The following CMTM7 variants were observed in gnomAD, a reference collection of about 807,000 sequenced individuals.
The protein encoded by CMTM7 is CKLF-like MARVEL transmembrane domain-containing protein 7.
In CMTM7, 7 loss-of-function variants were observed where a neutral mutation model predicts 19.3. The observed-to-expected ratio is 0.36, with a 90% CI of 0.21 to 0.68. The LOEUF (loss-of-function observed/expected upper bound fraction) is 0.68, where lower values mean the gene tolerates loss of function less well. Ranked by LOEUF, CMTM7 falls within the 30% of genes least tolerant of loss-of-function variation. The pLI is 0.60. For missense variants in CMTM7, 193 were observed against 232.6 expected (o/e 0.83, Z 1.11); for synonymous variants, 87 against 99.3 (o/e 0.88, Z 0.74).
At chr3:32,438,207 G>T (rs1575122714) in intron 1 of CMTM7, among the ~76,000 whole-genome samples, 2 of 152,214 alleles carry the variant, frequency 1.3e-5, no homozygotes, top group East Asian at 3.8e-4. Context: ...GCTGGCGGGA[G>T]GAGGGCAGGG....
intron 1 of CMTM7, among the ~76,000 whole-genome samples, chr3:32,425,815 A>G (rs17798444): frequency 0.18 from 27,088 of 152,198 alleles, 2,756 homozygotes; most frequent in African/African-American, 0.27. Context: ...ATTTTTGAGC[A>G]GGAAAGGACA....
At chr3:32,419,850 G>T (rs148103641) in intron 1 of CMTM7, among the ~76,000 whole-genome samples, 3 of 152,096 alleles carry the variant, frequency 2.0e-5, no homozygotes, top group Non-Finnish European at 2.9e-5. Flanking sequence ...CCCACTTTGC[G>T]TCCTTCCTTT....
At chr3:32,403,119 A>G (rs1040890957) in intron 1 of CMTM7, among the ~76,000 whole-genome samples, 4 of 152,236 alleles carry the variant, frequency 2.6e-5, no homozygotes, top group African/African-American at 7.2e-5. Context: ...TTAAGTTATG[A>G]GAGTGGTACT....
At chr3:32,413,053 C>T (rs556177826) in intron 1 of CMTM7, among the ~76,000 whole-genome samples, 39 of 152,326 alleles carry the variant, frequency 2.6e-4, no homozygotes, top group African/African-American at 9.1e-4. Context: ...CAAATCTGGC[C>T]TGCCACCTGT....
intron 1 of CMTM7, among the ~76,000 whole-genome samples, chr3:32,405,678 C>G (rs1559402001): frequency 6.6e-6 from 1 of 152,146 alleles, no homozygotes; most frequent in East Asian, 1.9e-4. Flanking sequence ...TTGCTTGAGC[C>G]CAGGAGTTCA....
intron 1 of CMTM7, among the ~76,000 whole-genome samples, chr3:32,400,602 A>G (rs1695988558): frequency 6.6e-6 from 1 of 151,554 alleles, no homozygotes; most frequent in South Asian, 2.1e-4. Context: ...CGTGTTAGCC[A>G]GGATGGTCTT....
rs150629624 is a variant in CMTM7, at chr3:32,408,221, G to T, written c.159+16156G>T. ...ATAGCGATTTCAGACTTCTGGCCTT[G>T]AGAACTGTGAGAGAATAGATTTCTG... On this transcript the variant is annotated intron_variant, in intron 1 of 4. Coordinates refer to ENST00000334983, the MANE Select transcript of CMTM7 (RefSeq NM_138410.4). Among the ~76,000 whole-genome samples the T allele has an allele frequency of 3.5e-3, 537 of 152,348 alleles. 5 individuals are homozygous for T. The highest frequency in any genetic ancestry group is 0.012 in the African/African-American group (484 of 41,584).
intron 1 of CMTM7, among the ~76,000 whole-genome samples, chr3:32,434,310 T>C (rs1310086851): frequency 6.6e-6 from 1 of 152,196 alleles, no homozygotes; most frequent in Non-Finnish European, 1.5e-5. Flanking sequence ...ATTTTACTTA[T>C]TTATGAATTA....
intron 1 of CMTM7, among the ~76,000 whole-genome samples, chr3:32,430,056 A>G (rs1696492355): frequency 6.6e-6 from 1 of 152,166 alleles, no homozygotes; most frequent in African/African-American, 2.4e-5. Context: ...CTGCCATGTT[A>G]TTGTTTAACA....
chr3:32,452,199 G>A (rs904916194), intron 3 of CMTM7, 193 bp from the exon 4 acceptor site: 2 of 1,505,476 alleles, frequency 1.3e-6, no homozygotes, highest in African/African-American at 2.8e-5. Flanking sequence ...GAGGACTGGG[G>A]CCAGTGGCTG....
At chr3:32,428,651 A>G (rs1356780283) in intron 1 of CMTM7, among the ~76,000 whole-genome samples, 1 of 152,124 alleles carries the variant, frequency 6.6e-6, no homozygotes. Flanking sequence ...CTGCTTACAT[A>G]ACATCTTTGT....
chr3:32,396,257 G>A (rs1241364245), intron 1 of CMTM7, among the ~76,000 whole-genome samples: 1 of 152,122 alleles, frequency 6.6e-6, no homozygotes. Context: ...TGTAATCCCA[G>A]CACTTTGGGA....
In CMTM7 at chr3:32,452,613, G is replaced by A. The variant is rs1194203007; in HGVS notation, c.514+140G>A. On this transcript the variant is annotated intron_variant, in intron 4 of 4. Transcript: ENST00000334983. Reference sequence around the variant, plus strand: ...CTTTAGAAGTAGTATTAGAGCACAGGGGCCAGCAAAGGGGAAGATGTGACC... The same window carrying A: ...CTTTAGAAGTAGTATTAGAGCACAGAGGCCAGCAAAGGGGAAGATGTGACC... The A allele has an allele frequency of 2.5e-6, 2 of 786,394 alleles. 1 individual carries two copies. 48.7% of individuals were successfully genotyped at this position (786,394 alleles called of 1,614,324 possible).
In CMTM7 at chr3:32,391,900, C is replaced by G; in HGVS notation, c.-7C>G. ...CGGGGAGGCGGCCAGCGAGCTGGGG[C>G]CGCGCAATGTCGCACGGAGCCGGGC... On this transcript the variant is annotated 5_prime_UTR_variant, in exon 1 of 5. Transcript: ENST00000334983. 8.2e-7 allele frequency: 1 copy of G among 1,217,602 alleles called. No individual in the cohort carries two copies. Among genetic ancestry groups the G allele is most frequent in the Admixed American group, 4.3e-5 (1 of 23,144 alleles). The allele number at this position is 1,217,602 out of a possible 1,614,324, so 75.4% of individuals were successfully genotyped here.
chr3:32,405,465 A>G (rs1473909221), intron 1 of CMTM7, among the ~76,000 whole-genome samples: 1 of 152,190 alleles, frequency 6.6e-6, no homozygotes, highest in Non-Finnish European at 1.5e-5. Flanking sequence ...GAGTAAATCC[A>G]TGTGTTAAGT....
intron 1 of CMTM7, among the ~76,000 whole-genome samples, chr3:32,406,996 G>C (rs1229646544): frequency 6.6e-6 from 1 of 152,210 alleles, no homozygotes; most frequent in Non-Finnish European, 1.5e-5. Context: ...AGCATAATGA[G>C]TTAGCAGCAG....
intron 1 of CMTM7, among the ~76,000 whole-genome samples, chr3:32,435,664 C>T (rs917514347): frequency 3.3e-5 from 5 of 152,124 alleles, no homozygotes; most frequent in African/African-American, 9.7e-5. Context: ...GATAAGACCA[C>T]CTATAGGACA....
intron 1 of CMTM7, among the ~76,000 whole-genome samples, chr3:32,410,463 C>T (rs1696154821): frequency 6.6e-6 from 1 of 152,238 alleles, no homozygotes; most frequent in South Asian, 2.1e-4. Flanking sequence ...AGACTTGGGT[C>T]TTCTCCAGAA....
At chr3:32,397,482 C>A (rs1005421651) in intron 1 of CMTM7, among the ~76,000 whole-genome samples, 5 of 152,108 alleles carry the variant, frequency 3.3e-5, no homozygotes, top group African/African-American at 1.2e-4. Context: ...CGCCTGTAAT[C>A]CCAGCACTTT....
Sources: allele counts gnomAD v4.1 joint callset (sites outside exome capture counted in the v4.1 genomes callset), GRCh38; gene constraint gnomAD v4.1.1; transcripts MANE v1.5; gene names NCBI Gene and HGNC (gene_info 2026-07-23, HGNC 2026-07-21).